Variants in SAMMSON observed in about 807,000 individuals in gnomAD.
SAMMSON encodes the protein long intergenic non-protein coding RNA 1212.
chr3:70,322,563 T>C (rs895912938), intron 7 of SAMMSON, among the ~76,000 whole-genome samples: 1 of 152,178 alleles, frequency 6.6e-6, no homozygotes. Context: ...AAATGTTATC[T>C]TGATCAGTCT....
At chr3:70,112,426 A>G (rs184346613) in intron 4 of SAMMSON, among the ~76,000 whole-genome samples, 33 of 152,292 alleles carry the variant, frequency 2.2e-4, no homozygotes, top group Admixed American at 9.8e-4. Context: ...TCGGGGAAAG[A>G]GAAAAATGGA....
intron 7 of SAMMSON, among the ~76,000 whole-genome samples, chr3:70,292,863 A>G (rs1218709273): frequency 6.6e-6 from 1 of 152,034 alleles, no homozygotes; most frequent in African/African-American, 2.4e-5. Context: ...AATTACCTTG[A>G]TAGAAATACT....
At chr3:70,348,019 G>A (rs1045837206) in intron 7 of SAMMSON, among the ~76,000 whole-genome samples, 1 of 152,120 alleles carries the variant, frequency 6.6e-6, no homozygotes, top group African/African-American at 2.4e-5. Flanking sequence ...CTCCAGCCTG[G>A]GTGACAGAGC....
chr3:70,207,996 A>G (rs1576155370), intron 4 of SAMMSON, among the ~76,000 whole-genome samples: 2 of 152,098 alleles, frequency 1.3e-5, no homozygotes, highest in East Asian at 1.9e-4. Context: ...CTTCATGAGC[A>G]TCAAACAAAT....
intron 7 of SAMMSON, among the ~76,000 whole-genome samples, chr3:70,329,472 A>G (rs1378832736): frequency 5.3e-5 from 8 of 152,058 alleles, no homozygotes; most frequent in Admixed American, 3.9e-4. Flanking sequence ...AATCATGTAT[A>G]TCAAAACTAA....
At chr3:70,419,904 C>T (rs1028617013) in intron 2 of SAMMSON, among the ~76,000 whole-genome samples, 2 of 152,216 alleles carry the variant, frequency 1.3e-5, no homozygotes, top group Non-Finnish European at 2.9e-5. Context: ...TCCCAAAGTG[C>T]TGGGATTACA....
intron 4 of SAMMSON, among the ~76,000 whole-genome samples, chr3:70,080,426 G>A (rs774138348): frequency 6.6e-6 from 1 of 152,200 alleles, no homozygotes; most frequent in Non-Finnish European, 1.5e-5. Flanking sequence ...ATGAGTTAAG[G>A]TATGGGAAAC....
At chr3:70,162,078 A>C (rs2067617661) in intron 4 of SAMMSON, among the ~76,000 whole-genome samples, 1 of 151,780 alleles carries the variant, frequency 6.6e-6, no homozygotes, top group African/African-American at 2.4e-5. Context: ...GATTCCAAAA[A>C]ACAATGTTTT....
At chr3:70,078,995 C>G (rs2067258603) in intron 4 of SAMMSON, among the ~76,000 whole-genome samples, 1 of 152,202 alleles carries the variant, frequency 6.6e-6, no homozygotes, top group Non-Finnish European at 1.5e-5. Flanking sequence ...TGGAACACAG[C>G]CGTGCTCTTC....
chr3:70,139,609 T>C (rs2067519364), intron 4 of SAMMSON, among the ~76,000 whole-genome samples: 1 of 152,298 alleles, frequency 6.6e-6, no homozygotes, highest in African/African-American at 2.4e-5. Flanking sequence ...ATGGGACTCA[T>C]ACCTGGAGTG....
At chr3:70,330,007 A>G (rs551234272) in intron 7 of SAMMSON, among the ~76,000 whole-genome samples, 5 of 152,096 alleles carry the variant, frequency 3.3e-5, no homozygotes, top group African/African-American at 1.2e-4. Flanking sequence ...AAATTCAGGA[A>G]GAAACATAAT....
At chr3:70,328,801 AG>A (rs1193287460) in intron 7 of SAMMSON, among the ~76,000 whole-genome samples, 1 of 152,180 alleles carries the variant, frequency 6.6e-6, no homozygotes, top group Non-Finnish European at 1.5e-5. Context: ...GATGAAAATT[AG>A]AAACCCACAA....
chr3:70,088,365 G>A (rs2067293130), intron 4 of SAMMSON, among the ~76,000 whole-genome samples: 2 of 152,154 alleles, frequency 1.3e-5, no homozygotes, highest in African/African-American at 4.8e-5. Flanking sequence ...ACAGAGAGTG[G>A]ATTAAGGGAT....
chr3:70,115,000 C>A (rs922054344), intron 4 of SAMMSON, among the ~76,000 whole-genome samples: 1 of 151,790 alleles, frequency 6.6e-6, no homozygotes, highest in Non-Finnish European at 1.5e-5. Flanking sequence ...TGAAAGGGAC[C>A]AAATCTTACA....
intron 6 of SAMMSON, among the ~76,000 whole-genome samples, chr3:70,267,233 G>A (rs1429337438): frequency 7.9e-5 from 12 of 151,932 alleles, no homozygotes; most frequent in Non-Finnish European, 1.6e-4. Context: ...TCATTTTTAC[G>A]AAGGGCAGAA....
chr3:70,361,271 A>T (rs1225302173), intron 9 of SAMMSON, among the ~76,000 whole-genome samples: 2 of 152,162 alleles, frequency 1.3e-5, no homozygotes, highest in Non-Finnish European at 2.9e-5. Flanking sequence ...TACTTGGTAA[A>T]TGGGAGTTCT....
intron 4 of SAMMSON, among the ~76,000 whole-genome samples, chr3:70,123,394 C>T (rs2067443064): frequency 6.6e-6 from 1 of 152,198 alleles, no homozygotes; most frequent in South Asian, 2.1e-4. Flanking sequence ...CCTCAGTCTC[C>T]AGAGTAGCAA....
chr3:70,132,781 A>G (rs2067487753), intron 4 of SAMMSON, among the ~76,000 whole-genome samples: 1 of 110,026 alleles, frequency 9.1e-6, no homozygotes, highest in Non-Finnish European at 1.9e-5. Flanking sequence ...AAAAAAAAAA[A>G]AAAGAAAAGA....
intron 9 of SAMMSON, among the ~76,000 whole-genome samples, chr3:70,376,475 T>G (rs973488505): frequency 6.6e-6 from 1 of 152,196 alleles, no homozygotes. Flanking sequence ...AAGGAAAGAA[T>G]CATTGTACAC....
Sources: gnomAD v4.1 joint callset for allele counts (sites outside exome capture counted in the v4.1 genomes callset) on GRCh38, gnomAD v4.1.1 for gene constraint, MANE v1.5 for transcripts, NCBI Gene and HGNC (gene_info 2026-07-23, HGNC 2026-07-21) for gene names.